SYDE1: variants seen among roughly 807,000 people sequenced by gnomAD.
SYDE1 encodes synapse defective Rho GTPase activating protein 1.
Under a neutral mutation model 63.3 loss-of-function variants are expected in SYDE1, and 34 were observed. The ratio of observed to expected loss-of-function variants is 0.54; its 90% CI spans 0.41 to 0.71. The LOEUF (loss-of-function observed/expected upper bound fraction) is 0.71. SYDE1 is among the 30% of genes least tolerant of loss of function. The pLI is 0.00. For synonymous variants in SYDE1, 467 were observed against 473.4 expected (o/e 0.99, Z 0.18); for missense variants, 925 against 1,042.5 (o/e 0.89, Z 1.55).
At position 15,114,021 on chromosome 19, in the gene SYDE1, G is replaced by A. The variant is rs555601394; in HGVS notation, c.*58G>A. 47 of 1,521,440 alleles carry A rather than the reference G, an allele frequency of 3.1e-5. No homozygotes were observed. Among genetic ancestry groups the A allele is most frequent in the African/African-American group, 4.1e-5 (3 of 72,594 alleles). 94.2% of individuals were successfully genotyped at this position (1,521,440 alleles called of 1,614,324 possible). On this transcript the variant is annotated 3_prime_UTR_variant, in exon 8 of 8. Coordinates refer to ENST00000342784, the MANE Select transcript of SYDE1 (RefSeq NM_033025.6). ...GGACCGGGCGCCCAGTGGCTAAGGCGGTGCCCTGGTGACCAAGGAGAGCCA... is the reference window on the plus strand; with the variant it reads ...GGACCGGGCGCCCAGTGGCTAAGGCAGTGCCCTGGTGACCAAGGAGAGCCA...
chr19:15,110,585 C>G lies in SYDE1; in HGVS notation c.1140C>G (p.Thr380=). Residue 380 remains threonine (T), a synonymous_variant, in exon 4 of 8, where the codon ACC becomes ACG. Coordinates refer to ENST00000342784, the MANE Select transcript of SYDE1 (RefSeq NM_033025.6). The surrounding 1 kb of genome is among the most constrained non-coding windows in gnomAD (Gnocchi z 6.9). ...EPQGLLYAKL[T]LSEQQEAPAT... ...AGGGGCTGCTGTATGCCAAGCTGAC[C>G]CTGTCGGAGCAGCAGGAAGCCCCTG... is the stretch of plus-strand genomic sequence containing the variant. 1 of 1,596,794 alleles carries G rather than the reference C, an allele frequency of 6.3e-7. No individual in the cohort carries two copies. The highest frequency in any genetic ancestry group is 8.5e-7 in the Non-Finnish European group (1 of 1,174,322).
chr19:15,109,048 T>C lies in SYDE1; in HGVS notation c.89-8T>C, dbSNP rs2046323638. 1.4e-6 allele frequency: 2 copies of C among 1,474,830 alleles called. No individual in the cohort carries two copies. Among genetic ancestry groups the C allele is most frequent in the Non-Finnish European group, 1.8e-6 (2 of 1,118,964 alleles). The allele number at this position is 1,474,830 out of a possible 1,614,324, so 91.4% of individuals were successfully genotyped here. A position where few individuals can be genotyped will look rare whatever the true frequency, so the allele number is the denominator to read the frequency against. The stretch of plus-strand genomic sequence containing the variant: ...TGGGTGGGTCTCACTCCCCTTGCTC[T>C]CTGCCAGGCCACCCAGCCCAGCGCC... On this transcript the variant is annotated splice_polypyrimidine_tract_variant and splice_region_variant and intron_variant, in intron 1 of 7. Transcript: ENST00000342784. The surrounding 1 kb of genome is among the most constrained non-coding windows in gnomAD (Gnocchi z 5.0).
At position 15,111,488 on chromosome 19, in the gene SYDE1, C is replaced by A; in HGVS notation, c.1417+49C>A. 6.2e-7 allele frequency: 1 copy of A among 1,606,500 alleles called. No homozygotes were observed. The highest frequency in any genetic ancestry group is 8.5e-7 in the Non-Finnish European group (1 of 1,174,590). ...GCCTGCTCACCCCCATTCAATGCCT[C>A]ACTTCAAGGCCTTGGGGCTCCTCTG... On this transcript the variant is annotated intron_variant, in intron 5 of 7. Transcript: ENST00000342784. This position sits in a 1 kb window ranked among gnomAD's most constrained non-coding sequence, Gnocchi z 5.5.
At position 15,109,571 on chromosome 19, in the gene SYDE1, G is replaced by A. The variant is rs549819205; in HGVS notation, c.431-133G>A. On this transcript the variant is annotated intron_variant, in intron 2 of 7. Transcript: ENST00000342784. The surrounding 1 kb of genome is among the most constrained non-coding windows in gnomAD (Gnocchi z 5.0). ...CCCACCCCGTCAGATGCTCCCAGAG[G>A]AGCATCAGCCTCACACCCTCCTCCC... 104 of 947,774 alleles carry A rather than the reference G, an allele frequency of 1.1e-4. 1 individual carries two copies. The South Asian group carries it at 1.6e-3, about 15-fold the overall frequency. The allele number at this position is 947,774 out of a possible 1,614,324, so 58.7% of individuals were successfully genotyped here.
intron 6 of SYDE1, 112 bp from the exon 7 acceptor site, chr19:15,112,234 C>T: frequency 1.5e-6 from 1 of 675,244 alleles, no homozygotes; most frequent in Non-Finnish European, 2.5e-6. Flanking sequence ...GACCACATCC[C>T]AGCTATGAGA....
rs1213483626 is a variant in SYDE1, at chr19:15,113,928, A to G, written c.2173A>G (p.Arg725Gly). The G allele has an allele frequency of 1.1e-5, 17 of 1,613,666 alleles. No homozygotes were observed. In the East Asian group the frequency reaches 3.3e-4, roughly 32 times the overall value. ...CGACGCCCTCATCCTGGATCTGGAG[A>G]GAGAGCTCTCCAAGCAAATCAACGT... ...DFDALILDLERELSKQINVCL is the reference protein window; with the variant it reads ...DFDALILDLEGELSKQINVCL Residue 725 changes from arginine (R) to glycine (G), a missense_variant, in exon 8 of 8, where the codon AGA becomes GGA. By Grantham distance (125) the Arg-to-Gly change is moderately radical. Transcript: ENST00000342784.
intron 1 of SYDE1, among the ~76,000 whole-genome samples, 179 bp downstream of exon 1, chr19:15,107,700 G>A (rs558315516): frequency 6.6e-5 from 10 of 151,754 alleles, no homozygotes; most frequent in African/African-American, 2.4e-4. Context: ...GGGCTGGGAG[G>A]GAGGGGGGCG....
rs1401578911 is a variant in SYDE1 at position 15,109,503 on chromosome 19, A to G, written c.430+106A>G. The G allele has an allele frequency of 5.4e-6, 7 of 1,298,972 alleles. No individual in the cohort carries two copies. The highest frequency in any genetic ancestry group is 3.0e-5 in the African/African-American group (2 of 66,274). 80.5% of individuals were successfully genotyped at this position (1,298,972 alleles called of 1,614,324 possible). On this transcript the variant is annotated intron_variant, in intron 2 of 7. Transcript: ENST00000342784. This position sits in a 1 kb window ranked among gnomAD's most constrained non-coding sequence, Gnocchi z 5.0. ...CACTCCCTCCTCCCAGAGGAGCACC[A>G]ACCTCACACTCCTTCCCTTCAGGGG...
rs534890609 is a variant in SYDE1, at chr19:15,112,560, A to G, written c.1793A>G (p.Gln598Arg). The G allele has an allele frequency of 3.2e-6, 5 of 1,578,608 alleles. No homozygotes were observed. The East Asian group carries it at 9.2e-5, about 29-fold the overall frequency. ...HHIEVLHYLL[Q>R]SWPDPRLPRQ... ...ATCGAGGTGCTGCACTACCTGCTGC[A>G]GTCTTGGCCAGGTGAGTTCATGCCC... Residue 598 changes from glutamine (Q) to arginine (R), a missense_variant, in exon 7 of 8, where the codon CAG becomes CGG. By Grantham distance (43) the Gln-to-Arg change is conservative. Transcript: ENST00000342784.
rs549899846 is a variant in SYDE1, at chr19:15,107,500, A to G, written c.67A>G (p.Lys23Glu). The change falls in exon 1 of 8, where the codon AAG (lysine) becomes GAG (glutamate). Residue 23 changes from lysine to glutamate, a missense_variant. Physicochemically the swap from Lys to Glu is moderately conservative, Grantham distance 56 (BLOSUM62 1). Transcript: ENST00000342784. Reference sequence around the variant, plus strand: ...GGGCCGGGAGAAACTTCCCCGGAAAAAGTCGGACGCCAAGGAGCGCGGTAA... The same window carrying G: ...GGGCCGGGAGAAACTTCCCCGGAAAGAGTCGGACGCCAAGGAGCGCGGTAA... ...LRGREKLPRK[K>E]SDAKERGHPA... 12 of 1,542,810 alleles carry G rather than the reference A, an allele frequency of 7.8e-6. No individual in the cohort carries two copies. In the South Asian group the frequency reaches 1.4e-4, roughly 18 times the overall value.
chr19:15,110,548 G>C lies in SYDE1; in HGVS notation c.1103G>C (p.Arg368Pro). ...RGCQAQQLAV[R>P]LEPQGLLYAK... is the part of the protein sequence containing the mutation. Reference sequence around the variant, plus strand: ...TGCCAGGCCCAACAGCTGGCCGTGCGCCTGGAGCCTCAGGGGCTGCTGTAT... The same window carrying C: ...TGCCAGGCCCAACAGCTGGCCGTGCCCCTGGAGCCTCAGGGGCTGCTGTAT... Residue 368 changes from arginine (R) to proline (P), a missense_variant, in exon 4 of 8, where the codon CGC (arginine) becomes CCC (proline). Around this residue, in one of 3 missense-constraint regions of SYDE1, gnomAD observed 599 missense variants for 653.7 expected, o/e 0.92. Coordinates refer to ENST00000342784, the MANE Select transcript of SYDE1 (RefSeq NM_033025.6). The surrounding 1 kb of genome is among the most constrained non-coding windows in gnomAD (Gnocchi z 6.9). 6.3e-7 allele frequency: 1 copy of C among 1,593,156 alleles called. No homozygotes were observed. Among genetic ancestry groups the C allele is most frequent in the Non-Finnish European group, 8.5e-7 (1 of 1,172,638 alleles).
At chr19:15,112,208 T>C (rs1388220516) in intron 6 of SYDE1, 138 bp from the exon 7 acceptor site, 9 of 620,778 alleles carry the variant, frequency 1.4e-5, no homozygotes, top group South Asian at 7.9e-5. Flanking sequence ...CATCTAATGA[T>C]TAATAGTCTT....
chr19:15,109,152 A>C lies in SYDE1; in HGVS notation c.185A>C (p.Glu62Ala), dbSNP rs2046324544. Residue 62 changes from glutamate to alanine, a missense_variant, in exon 2 of 8, where the codon GAG becomes GCG. Around this residue, in one of 3 missense-constraint regions of SYDE1, gnomAD observed 599 missense variants for 653.7 expected, o/e 0.92. Coordinates refer to ENST00000342784, the MANE Select transcript of SYDE1 (RefSeq NM_033025.6). This position sits in a 1 kb window ranked among gnomAD's most constrained non-coding sequence, Gnocchi z 5.0. ...QAGAEGPSSP[E>A]ASRSPARGAY... is the part of the protein sequence containing the mutation. ...GGAGCAGAGGGGCCCTCCAGCCCCG[A>C]GGCATCAAGGAGCCCTGCACGGGGA... 6.4e-7 allele frequency: 1 copy of C among 1,552,174 alleles called. No homozygotes were observed.
chr19:15,114,104 G>A lies in SYDE1; in HGVS notation c.*141G>A, dbSNP rs901553577. 37 of 798,966 alleles carry A rather than the reference G, an allele frequency of 4.6e-5. No individual in the cohort carries two copies. Among genetic ancestry groups the A allele is most frequent in the East Asian group, 7.6e-5 (3 of 39,494 alleles). 49.5% of individuals were successfully genotyped at this position (798,966 alleles called of 1,614,324 possible). The stretch of plus-strand genomic sequence containing the variant: ...AGCGAGTTACCACGGGACCAGTCGC[G>A]TGTATGGCTGAGACTCATTCCCAGT... On this transcript the variant is annotated 3_prime_UTR_variant, in exon 8 of 8. Coordinates refer to ENST00000342784, the MANE Select transcript of SYDE1 (RefSeq NM_033025.6).
chr19:15,110,658 G>T lies in SYDE1; in HGVS notation c.1213G>T (p.Glu405Ter). 6.3e-7 allele frequency: 1 copy of T among 1,586,074 alleles called. No individual in the cohort carries two copies. ...TGGGCTGCCCCTGCCACTGCTGGTGGAGCGGGAGCGGCCCCCCGGCCAGGT... is the reference window on the plus strand; with the variant it reads ...TGGGCTGCCCCTGCCACTGCTGGTGTAGCGGGAGCGGCCCCCCGGCCAGGT... The part of the protein sequence containing the change: ...VFGLPLPLLV[E>*]RERPPGQVPL... The change falls in exon 4 of 8, where the codon GAG (glutamate) becomes TAG (stop). Residue 405 changes from glutamate (E) to a stop codon, truncating the protein, a stop_gained. Coordinates refer to ENST00000342784, the MANE Select transcript of SYDE1 (RefSeq NM_033025.6). LOFTEE classifies it high-confidence loss of function. This position sits in a 1 kb window ranked among gnomAD's most constrained non-coding sequence, Gnocchi z 6.9.
At chr19:15,112,644 A>G in intron 7 of SYDE1, 73 bp downstream of exon 7, 1 of 1,341,898 alleles carries the variant, frequency 7.5e-7, no homozygotes, top group Non-Finnish European at 1.0e-6. Flanking sequence ...TAAGGGACCA[A>G]TCAGTGTCTT....
rs766257252 is a variant in SYDE1, at chr19:15,110,547, C to A, written c.1102C>A (p.Arg368Ser). ...RGCQAQQLAV[R>S]LEPQGLLYAK... The stretch of plus-strand genomic sequence containing the variant: ...GTGCCAGGCCCAACAGCTGGCCGTG[C>A]GCCTGGAGCCTCAGGGGCTGCTGTA... Residue 368 changes from arginine to serine, a missense_variant, in exon 4 of 8, where the codon CGC (arginine) becomes AGC (serine). This residue lies in a region of SYDE1 where 599 missense variants were observed against 653.7 expected (regional missense o/e 0.92). Transcript: ENST00000342784. The surrounding 1 kb of genome is among the most constrained non-coding windows in gnomAD (Gnocchi z 6.9). 1.3e-6 allele frequency: 2 copies of A among 1,592,298 alleles called. No homozygotes were observed. Among genetic ancestry groups the A allele is most frequent in the East Asian group, 4.5e-5 (2 of 43,978 alleles).
Position 15,110,863 on chromosome 19 carries a change from A to G in SYDE1, c.1290+128A>G. On this transcript the variant is annotated intron_variant, in intron 4 of 7. Transcript: ENST00000342784. The surrounding 1 kb of genome is among the most constrained non-coding windows in gnomAD (Gnocchi z 6.9). ...ACTCCTAGCTCCAATCCCAACCTAG[A>G]CAAGGGCAGAAGGCGCCCCCTTGAC... The G allele has an allele frequency of 1.2e-6, 1 of 831,858 alleles. No homozygotes were observed. The highest frequency in any genetic ancestry group is 1.8e-6 in the Non-Finnish European group (1 of 551,980). The allele number at this position is 831,858 out of a possible 1,614,324, so 51.5% of individuals were successfully genotyped here. A position where few individuals can be genotyped will look rare whatever the true frequency, so the allele number is the denominator to read the frequency against.
Position 15,112,590 on chromosome 19 carries a change from C to A in SYDE1, c.1804+19C>A. ...TGGCCAGGTGAGTTCATGCCCAGGG[C>A]CTGCACCACCAATCTGAGCCAGGCT... On this transcript the variant is annotated intron_variant, in intron 7 of 7. Transcript: ENST00000342784. 1 of 1,530,960 alleles carries A rather than the reference C, an allele frequency of 6.5e-7. No homozygotes were observed. The highest frequency in any genetic ancestry group is 8.8e-7 in the Non-Finnish European group (1 of 1,131,406). 94.8% of individuals were successfully genotyped at this position (1,530,960 alleles called of 1,614,324 possible).
Sources: allele counts gnomAD v4.1 joint callset (sites outside exome capture counted in the v4.1 genomes callset), GRCh38; gene constraint gnomAD v4.1.1; regional missense constraint gnomAD v4.1.1; non-coding constraint Gnocchi (gnomAD v3.1); transcripts MANE v1.5; gene names NCBI Gene and HGNC (gene_info 2026-07-23, HGNC 2026-07-21).